The following UPK1B variants were observed in gnomAD, a reference collection of about 807,000 sequenced individuals.
UPK1B encodes the protein uroplakin 1B.
Under a neutral mutation model 34.2 loss-of-function variants are expected in UPK1B, and 28 were observed. That is an observed-to-expected ratio of 0.82 (90% confidence interval 0.61 to 1.12). UPK1B has a LOEUF of 1.12. Among genes scored for constraint, UPK1B ranks in the 50% most tolerant of loss-of-function variants. UPK1B has a pLI of 0.00. For synonymous variants in UPK1B, 81 were observed against 110.4 expected (o/e 0.73, Z 1.67); for missense variants, 325 against 320.9 (o/e 1.01, Z -0.10).
chr3:119,199,286 A>G (rs2078081174), intron 7 of UPK1B, 146 bp downstream of exon 7: 1 of 874,384 alleles, frequency 1.1e-6, no homozygotes, highest in East Asian at 2.8e-5. Context: ...CTGGCACCGG[A>G]AGAAGGACAG....
intron 6 of UPK1B, among the ~76,000 whole-genome samples, chr3:119,196,032 A>G (rs565213379): frequency 7.1e-6 from 1 of 140,616 alleles, no homozygotes; most frequent in African/African-American, 2.5e-5. Flanking sequence ...TGTTCTAACA[A>G]CTCCACCTCC....
chr3:119,187,054 G>A (rs1213501070), intron 2 of UPK1B, among the ~76,000 whole-genome samples: 1 of 152,206 alleles, frequency 6.6e-6, no homozygotes, highest in African/African-American at 2.4e-5. Flanking sequence ...AAGGAGTCAT[G>A]TCAACCATAG....
intron 3 of UPK1B, 22 bp downstream of exon 3, chr3:119,187,997 G>C (rs751554787): frequency 9.9e-6 from 16 of 1,613,196 alleles, no homozygotes; most frequent in African/African-American, 1.3e-5. Flanking sequence ...AAATTCTCTG[G>C]AGTTGTCTCC....
intron 1 of UPK1B, among the ~76,000 whole-genome samples, chr3:119,178,928 A>G (rs2077971824): frequency 6.6e-6 from 1 of 152,156 alleles, no homozygotes; most frequent in Non-Finnish European, 1.5e-5. Context: ...GTAAAATGGT[A>G]TCAGGAGACA....
intron 1 of UPK1B, among the ~76,000 whole-genome samples, chr3:119,178,383 A>T (rs949050428): frequency 2.5e-4 from 38 of 152,180 alleles, no homozygotes; most frequent in African/African-American, 8.9e-4. Context: ...TGGGCTTGTA[A>T]GTGCAGAGGG....
rs1165436660 is a variant in UPK1B at position 119,175,030 on chromosome 3, T to A, written c.-29+1392T>A. Among the ~76,000 whole-genome samples the A allele has an allele frequency of 7.3e-3, 579 of 79,076 alleles. 12 individuals are homozygous for A. The highest frequency in any genetic ancestry group is 0.024 in the African/African-American group (560 of 23,004). 51.9% of individuals were successfully genotyped at this position (79,076 alleles called of 152,430 possible). A position where few individuals can be genotyped will look rare whatever the true frequency, so the allele number is the denominator to read the frequency against. On this transcript the variant is annotated intron_variant, in intron 1 of 7. Transcript: ENST00000264234. The stretch of plus-strand genomic sequence containing the variant: ...TTATTTTCTTTTTTTTTTTTTTTTT[T>A]TTTTTTTTTTTTTTTTTGAGACGGA...
Position 119,199,246 on chromosome 3 carries a change from C to T in UPK1B, c.732+106C>T. ...CACACTAGAAAGTCTAGAAACAAAA[C>T]CTCAGGCCTGAAGGCTAGTCAGGAA... On this transcript the variant is annotated intron_variant, in intron 7 of 7. Transcript: ENST00000264234. The T allele has an allele frequency of 2.3e-6, 3 of 1,305,434 alleles. 1 individual carries two copies. The highest frequency in any genetic ancestry group is 5.0e-5 in the East Asian group (2 of 40,302). The allele number at this position is 1,305,434 out of a possible 1,614,324, so 80.9% of individuals were successfully genotyped here. A position where few individuals can be genotyped will look rare whatever the true frequency, so the allele number is the denominator to read the frequency against.
At chr3:119,175,537 TC>T (rs1199700470) in intron 1 of UPK1B, among the ~76,000 whole-genome samples, 3 of 20,102 alleles carry the variant, frequency 1.5e-4, no homozygotes, top group Non-Finnish European at 3.6e-4. Context: ...GCCCACCCCC[TC>T]CCCCCCGCCC....
At chr3:119,182,685 G>A (rs534167304) in intron 1 of UPK1B, among the ~76,000 whole-genome samples, 1 of 152,278 alleles carries the variant, frequency 6.6e-6, no homozygotes, top group South Asian at 2.1e-4. Flanking sequence ...AGACTATGCT[G>A]TGAGCCACTG....
intron 5 of UPK1B, 114 bp downstream of exon 5, chr3:119,191,218 CA>C: frequency 4.8e-6 from 6 of 1,256,930 alleles, no homozygotes; most frequent in Non-Finnish European, 6.6e-6. Context: ...GATTAGCTTA[CA>C]TTTGTTGGAA....
chr3:119,191,129 T>G lies in UPK1B; in HGVS notation c.468+25T>G. 1.9e-6 allele frequency: 3 copies of G among 1,612,212 alleles called. No homozygotes were observed. The African/African-American group carries it at 4.0e-5, about 22-fold the overall frequency. On this transcript the variant is annotated intron_variant, in intron 5 of 7. Coordinates refer to ENST00000264234, the MANE Select transcript of UPK1B (RefSeq NM_006952.4). The stretch of plus-strand genomic sequence containing the variant: ...GGTAAGACCTGTGGTCTTGGGGAGA[T>G]GCCATTTTTACTTACTGGTGGGAGT...
At chr3:119,202,436 T>C (rs762801087) in intron 7 of UPK1B, among the ~76,000 whole-genome samples, 51 of 152,228 alleles carry the variant, frequency 3.4e-4, no homozygotes, top group Non-Finnish European at 6.8e-4. Context: ...TTCAGTTATA[T>C]GGGTAACACT....
intron 1 of UPK1B, chr3:119,176,033 A>G (rs889522033): frequency 6.6e-6 from 1 of 152,224 alleles, no homozygotes; most frequent in Non-Finnish European, 1.5e-5. Flanking sequence ...CAGACCAGCA[A>G]TTGTTGTGAC....
intron 1 of UPK1B, 124 bp downstream of exon 1, chr3:119,173,762 T>G (rs975271562): frequency 6.6e-6 from 1 of 152,210 alleles, no homozygotes; most frequent in Non-Finnish European, 1.5e-5. Flanking sequence ...ATTCATAAAG[T>G]CTGTCATTTT....
chr3:119,173,638 T>G lies in UPK1B; in HGVS notation c.-29T>G, dbSNP rs2077939026. On this transcript the variant is annotated splice_region_variant and 5_prime_UTR_variant, in exon 1 of 8. Transcript: ENST00000264234. Reference sequence around the variant, plus strand: ...CCGTGTGCGCAGAAAGAGGAGGCGCTGTGAGTAGACCGCTTTCCCTCTGCA... The same window carrying G: ...CCGTGTGCGCAGAAAGAGGAGGCGCGGTGAGTAGACCGCTTTCCCTCTGCA... The G allele has an allele frequency of 6.6e-6, 1 of 152,190 alleles. No homozygotes were observed. The highest frequency in any genetic ancestry group is 6.5e-5 in the Admixed American group (1 of 15,292). 9.4% of individuals were successfully genotyped at this position (152,190 alleles called of 1,614,324 possible).
At position 119,192,317 on chromosome 3, in the gene UPK1B, T is replaced by C. The variant is rs548788531; in HGVS notation, c.468+1213T>C. Among the ~76,000 whole-genome samples the C allele has an allele frequency of 9.2e-5, 14 of 152,286 alleles. No individual in the cohort carries two copies. In the East Asian group the frequency reaches 2.7e-3, roughly 29 times the overall value. On this transcript the variant is annotated intron_variant, in intron 5 of 7. Transcript: ENST00000264234. The stretch of plus-strand genomic sequence containing the variant: ...TCCAGCCCCATAGCCAGTCCTTCCC[T>C]ACCCTTCTCTGTGGGTCACTCTTTC...
At chr3:119,182,007 A>T (rs2077992049) in intron 1 of UPK1B, among the ~76,000 whole-genome samples, 2 of 152,228 alleles carry the variant, frequency 1.3e-5, no homozygotes, top group Admixed American at 1.3e-4. Context: ...GAGGCCTTAG[A>T]GCTGGCCAAA....
chr3:119,185,852 CAGGG>C (rs1166740046), intron 1 of UPK1B, among the ~76,000 whole-genome samples: 1 of 152,152 alleles, frequency 6.6e-6, no homozygotes, highest in East Asian at 1.9e-4. Flanking sequence ...AGAAAATCCT[CAGGG>C]AGGTGAGAGA....
chr3:119,200,542 A>G (rs1166457271), intron 7 of UPK1B, among the ~76,000 whole-genome samples: 1 of 152,242 alleles, frequency 6.6e-6, no homozygotes, highest in African/African-American at 2.4e-5. Context: ...TCATTGTGTT[A>G]TGCAGATCTT....
Sources: gnomAD v4.1 joint callset for allele counts (sites outside exome capture counted in the v4.1 genomes callset) on GRCh38, gnomAD v4.1.1 for gene constraint, MANE v1.5 for transcripts, NCBI Gene and HGNC (gene_info 2026-07-23, HGNC 2026-07-21) for gene names.